Variants in FAM217B observed in about 807,000 individuals in gnomAD.
FAM217B encodes the protein family with sequence similarity 217 member B, also known as protein FAM217B.
For synonymous variants in FAM217B, 163 were observed against 173.0 expected (o/e 0.94, Z 0.45); for missense variants, 463 against 456.9 (o/e 1.01, Z -0.12).
At position 59,943,860 on chromosome 20, in the gene FAM217B, A is replaced by G. The variant is rs2060919080; in HGVS notation, c.-4-80A>G. The G allele has an allele frequency of 2.5e-6, 3 of 1,215,350 alleles. No homozygotes were observed. The East Asian group carries it at 7.5e-5, about 30-fold the overall frequency. The allele number at this position is 1,215,350 out of a possible 1,614,324, so 75.3% of individuals were successfully genotyped here. On this transcript the variant is annotated intron_variant, in intron 3 of 3. Coordinates refer to ENST00000360816, the MANE Select transcript of FAM217B (RefSeq NM_022106.3). ...TGAGACAAAAAAAAGTACAACTAGA[A>G]GATTCTTTTTGTTTGTTTAATTATA... is the stretch of plus-strand genomic sequence containing the variant.
chr20:59,936,484 GCAGA>G (rs1165702013), upstream of FAM217B, among the ~76,000 whole-genome samples: 10 of 152,332 alleles, frequency 6.6e-5, no homozygotes, highest in Admixed American at 2.0e-4. Context: ...GATCCGGAAG[GCAGA>G]CAGACAGACA....
rs1296312080 is a variant in FAM217B at position 59,947,317 on chromosome 20, A to T, written c.*2222A>T. The T allele has an allele frequency of 6.4e-6, 1 of 155,818 alleles. No individual in the cohort carries two copies. The highest frequency in any genetic ancestry group is 1.5e-5 in the Non-Finnish European group (1 of 68,046). 9.7% of individuals were successfully genotyped at this position (155,818 alleles called of 1,614,324 possible). A position where few individuals can be genotyped will look rare whatever the true frequency, so the allele number is the denominator to read the frequency against. On this transcript the variant is annotated 3_prime_UTR_variant, in exon 4 of 4. Coordinates refer to ENST00000360816, the MANE Select transcript of FAM217B (RefSeq NM_022106.3). The stretch of plus-strand genomic sequence containing the variant: ...AGGTCGGGAGTTCAAGACCAGCCTG[A>T]CCAACATGGAGAAACCCTGTCTCCA...
chr20:59,944,722 C>A lies in FAM217B; in HGVS notation c.779C>A (p.Ser260Ter). 1 of 1,614,224 alleles carries A rather than the reference C, an allele frequency of 6.2e-7. No homozygotes were observed. The highest frequency in any genetic ancestry group is 8.5e-7 in the Non-Finnish European group (1 of 1,180,038). ...KAFHHEEIHP[S>*]HYAFETSPRP... is the part of the protein sequence containing the mutation. Reference sequence around the variant, plus strand: ...TTTCACCATGAAGAAATCCACCCATCACATTATGCATTTGAGACTTCCCCT... The same window carrying A: ...TTTCACCATGAAGAAATCCACCCATAACATTATGCATTTGAGACTTCCCCT... Residue 260 changes from serine to a stop codon, truncating the protein, a stop_gained, in exon 4 of 4, where the codon TCA (serine) becomes TAA (stop). Transcript: ENST00000360816. LOFTEE classifies it low-confidence loss of function (END_TRUNC).
chr20:59,934,806 GA>G (rs922339056), intron 1 of FAM217B, among the ~76,000 whole-genome samples: 3 of 152,104 alleles, frequency 2.0e-5, no homozygotes, highest in Admixed American at 6.5e-5. Flanking sequence ...GAAAGCACCT[GA>G]AAAAAATAAA....
At chr20:59,939,174 A>G (rs1458127596), upstream of FAM217B, 1 of 1,609,704 alleles carries the variant, frequency 6.2e-7, no homozygotes, top group East Asian at 2.2e-5. Flanking sequence ...CGCGAAGTGC[A>G]CGCGGGAGCC....
upstream of FAM217B, chr20:59,939,421 G>A (rs774234822): frequency 3.6e-5 from 58 of 1,610,840 alleles, no homozygotes; most frequent in South Asian, 5.3e-4. Flanking sequence ...CGCTGCAGGC[G>A]CTCGCCAAAG....
intron 1 of FAM217B, among the ~76,000 whole-genome samples, chr20:59,940,799 G>T (rs547115631): frequency 2.6e-5 from 4 of 152,162 alleles, no homozygotes; most frequent in Admixed American, 6.5e-5. Flanking sequence ...CTGCGTAGAG[G>T]AGCAGCGTCA....
upstream of FAM217B, chr20:59,938,941 G>T: frequency 1.5e-6 from 2 of 1,295,816 alleles, no homozygotes; most frequent in South Asian, 1.9e-5. Flanking sequence ...GGGTGGTGAA[G>T]AACAACCAGA....
rs2060947100 is a variant in FAM217B at position 59,948,023 on chromosome 20, A to T, written c.*2928A>T. ...ACCCTGCATTTAAACCAATTAAAACAATCCAAGTTTCTTTAAAAAAAAAAA... is the reference window on the plus strand; with the variant it reads ...ACCCTGCATTTAAACCAATTAAAACTATCCAAGTTTCTTTAAAAAAAAAAA... On this transcript the variant is annotated 3_prime_UTR_variant, in exon 4 of 4. Transcript: ENST00000360816. 2.4e-5 allele frequency: 4 copies of T among 165,278 alleles called. No individual in the cohort carries two copies. The allele number at this position is 165,278 out of a possible 1,614,324, so 10.2% of individuals were successfully genotyped here.
At chr20:59,941,584 TA>T (rs146356942) in intron 1 of FAM217B, among the ~76,000 whole-genome samples, 2,676 of 152,234 alleles carry the variant, frequency 0.018, 88 homozygotes, top group African/African-American at 0.058. Flanking sequence ...ATAACAGCAA[TA>T]TGTGGTATAG....
Position 59,944,046 on chromosome 20 carries a change from A to G in FAM217B, c.103A>G (p.Ser35Gly), listed in dbSNP as rs1359709018. Residue 35 changes from serine to glycine, a missense_variant, in exon 4 of 4, where the codon AGC becomes GGC. By Grantham distance (56) the Ser-to-Gly change is moderately conservative. Transcript: ENST00000360816. ...ACCCCACGCTTCTTCCCAGCCGAGA[A>G]GCAGCCTCACAGCTGTCACCCAGCC... Reference protein sequence around the residue: ...QVPHASSQPRSSLTAVTQPTE... With the variant: ...QVPHASSQPRGSLTAVTQPTE... 6.2e-7 allele frequency: 1 copy of G among 1,614,208 alleles called. No individual in the cohort carries two copies. Among genetic ancestry groups the G allele is most frequent in the South Asian group, 1.1e-5 (1 of 91,082 alleles).
At chr20:59,939,840 T>C (rs1406223996), upstream of FAM217B, 3 of 1,241,778 alleles carry the variant, frequency 2.4e-6, no homozygotes, top group Non-Finnish European at 3.0e-6. Flanking sequence ...CACGCCGCCG[T>C]CCAGGTCCGA....
At chr20:59,941,090 C>T (rs1401592948) in intron 1 of FAM217B, among the ~76,000 whole-genome samples, 1 of 152,222 alleles carries the variant, frequency 6.6e-6, no homozygotes, top group Non-Finnish European at 1.5e-5. Flanking sequence ...TATTTAGAAC[C>T]CTGCAGGCAT....
chr20:59,948,242 CT>C lies in FAM217B; in HGVS notation c.*3149del, dbSNP rs2145956241. 1 of 167,142 alleles carries C rather than the reference CT, an allele frequency of 6.0e-6. No individual in the cohort carries two copies. The highest frequency in any genetic ancestry group is 6.5e-5 in the Admixed American group (1 of 15,304). The allele number at this position is 167,142 out of a possible 1,614,324, so 10.4% of individuals were successfully genotyped here. A position where few individuals can be genotyped will look rare whatever the true frequency, so the allele number is the denominator to read the frequency against. On this transcript the variant is annotated 3_prime_UTR_variant, in exon 4 of 4. Coordinates refer to ENST00000360816, the MANE Select transcript of FAM217B (RefSeq NM_022106.3). ...TTGTAACTAACTTGAATAGGATAGA[CT>C]TCATACCCTGTGACAAAAAGGATGG...
Position 59,946,181 on chromosome 20 carries a change from C to G in FAM217B, c.*1086C>G, listed in dbSNP as rs2060936038. Reference sequence around the variant, plus strand: ...CTGAATGAATTCTAAACTCGCTTATCTGGTCTTCAGGCTTCCCAACTCTCT... The same window carrying G: ...CTGAATGAATTCTAAACTCGCTTATGTGGTCTTCAGGCTTCCCAACTCTCT... On this transcript the variant is annotated 3_prime_UTR_variant, in exon 4 of 4. Transcript: ENST00000360816. 6.0e-6 allele frequency: 1 copy of G among 167,054 alleles called. No individual in the cohort carries two copies. The highest frequency in any genetic ancestry group is 2.4e-5 in the African/African-American group (1 of 41,436). The allele number at this position is 167,054 out of a possible 1,614,324, so 10.3% of individuals were successfully genotyped here.
In FAM217B at chr20:59,945,591, T is replaced by C. The variant is rs2060932902; in HGVS notation, c.*496T>C. ...ACTCCTCAAGCAAAATTTCTGTTCATTTTACCCTTAGGAGAAGCTTTAGTT... is the reference window on the plus strand; with the variant it reads ...ACTCCTCAAGCAAAATTTCTGTTCACTTTACCCTTAGGAGAAGCTTTAGTT... On this transcript the variant is annotated 3_prime_UTR_variant, in exon 4 of 4. Coordinates refer to ENST00000360816, the MANE Select transcript of FAM217B (RefSeq NM_022106.3). 1 of 168,426 alleles carries C rather than the reference T, an allele frequency of 5.9e-6. No individual in the cohort carries two copies. 10.4% of individuals were successfully genotyped at this position (168,426 alleles called of 1,614,324 possible). A position where few individuals can be genotyped will look rare whatever the true frequency, so the allele number is the denominator to read the frequency against.
chr20:59,939,942 G>A, upstream of FAM217B: 3 of 1,265,030 alleles, frequency 2.4e-6, no homozygotes, highest in Non-Finnish European at 3.0e-6. Flanking sequence ...GGCCCCGCCG[G>A]CCGTCGGAAG....
At position 59,933,826 on chromosome 20, in the gene FAM217B, G is replaced by A. The variant is rs1307702123; in HGVS notation, c.-353G>A. 17 of 149,806 alleles carry A rather than the reference G, an allele frequency of 1.1e-4. No individual in the cohort carries two copies. In the Admixed American group the frequency reaches 1.1e-3, roughly 10 times the overall value. The allele number at this position is 149,806 out of a possible 1,614,324, so 9.3% of individuals were successfully genotyped here. ...CGAGGCCTGAGCCAAGGGGGACGCTGTGGGCGCGGCTCAGGCCAGGCCCTC... is the reference window on the plus strand; with the variant it reads ...CGAGGCCTGAGCCAAGGGGGACGCTATGGGCGCGGCTCAGGCCAGGCCCTC... On this transcript the variant is annotated 5_prime_UTR_variant, in exon 1 of 5. Transcript: ENST00000358293.
At chr20:59,942,034 C>T (rs2060908359) in intron 1 of FAM217B, 164 bp from the exon 2 acceptor site, 1 of 152,294 alleles carries the variant, frequency 6.6e-6, no homozygotes, top group African/African-American at 2.4e-5. Flanking sequence ...GACAATGTCT[C>T]CCTTCCCCAG....
Sources: gnomAD v4.1 joint callset for allele counts (sites outside exome capture counted in the v4.1 genomes callset) on GRCh38, gnomAD v4.1.1 for gene constraint, MANE v1.5 for transcripts, NCBI Gene and HGNC (gene_info 2026-07-23, HGNC 2026-07-21) for gene names.